The following MAP4K5 variants were observed in gnomAD, a reference collection of about 807,000 sequenced individuals.
The protein encoded by MAP4K5 is MAPK/ERK kinase kinase kinase 5.
Under a neutral mutation model 135.6 loss-of-function variants are expected in MAP4K5, and 82 were observed. The observed-to-expected ratio is 0.60, with a 90% CI of 0.51 to 0.73. The LOEUF (loss-of-function observed/expected upper bound fraction) is 0.73, where lower values mean the gene tolerates loss of function less well. Ranked by LOEUF, MAP4K5 falls within the 30% of genes least tolerant of loss-of-function variation. The pLI is 0.00. For synonymous variants in MAP4K5, 347 were observed against 335.0 expected, an observed-to-expected ratio of 1.04 and a Z score of -0.39; for missense variants, 907 against 1,010.9, an observed-to-expected ratio of 0.90 and a Z score of 1.39.
At chr14:50,468,119 T>C (rs115484448) in intron 10 of MAP4K5, among the ~76,000 whole-genome samples, 176 of 152,256 alleles carry the variant, frequency 1.2e-3, no homozygotes, top group African/African-American at 4.1e-3. Context: ...TACCTCTTCA[T>C]TATTCCTGGA....
chr14:50,481,185 T>C (rs2139904377), intron 6 of MAP4K5, among the ~76,000 whole-genome samples: 1 of 151,812 alleles, frequency 6.6e-6, no homozygotes, highest in East Asian at 1.9e-4. Context: ...TATGAGTGTA[T>C]AATTAAGTTT....
intron 3 of MAP4K5, among the ~76,000 whole-genome samples, chr14:50,497,795 A>T (rs1331037480): frequency 2.0e-5 from 3 of 152,208 alleles, no homozygotes; most frequent in Admixed American, 1.3e-4. Context: ...AAAAAATACT[A>T]AACTATTTTA....
intron 3 of MAP4K5, 40 bp from the exon 4 acceptor site, chr14:50,486,234 T>C (rs1424113556): frequency 8.6e-6 from 6 of 696,790 alleles, no homozygotes; most frequent in Non-Finnish European, 1.5e-5. Flanking sequence ...TTACTCAAAA[T>C]CTCTACATAT....
rs201683113 is a variant in MAP4K5 at position 50,430,133 on chromosome 14, CAT to C, written c.2165-875_2165-874del. On this transcript the variant is annotated intron_variant, in intron 28 of 32. Coordinates refer to ENST00000682126, the MANE Select transcript of MAP4K5 (RefSeq NM_006575.6). ...ACTTCTGAACATATTCACACACACA[CAT>C]ATATATATATGAACACATATATACT... Among the ~76,000 whole-genome samples, 413 of 151,538 alleles carry C rather than the reference CAT, an allele frequency of 2.7e-3. 2 individuals carry two copies. Among genetic ancestry groups the C allele is most frequent in the African/African-American group, 9.2e-3 (382 of 41,332 alleles).
intron 2 of MAP4K5, among the ~76,000 whole-genome samples, chr14:50,539,758 T>G (rs901816183): frequency 6.6e-6 from 1 of 152,244 alleles, no homozygotes; most frequent in African/African-American, 2.4e-5. Flanking sequence ...AATACTTACC[T>G]GGGATTCAGA....
At chr14:50,519,213 C>T (rs1324552243) in intron 2 of MAP4K5, among the ~76,000 whole-genome samples, 1 of 151,812 alleles carries the variant, frequency 6.6e-6, no homozygotes, top group Non-Finnish European at 1.5e-5. Flanking sequence ...ATCAAATATA[C>T]ATCTATATAA....
In MAP4K5 at chr14:50,442,768, T is replaced by C. The variant is rs1474111042; in HGVS notation, c.1528A>G (p.Asn510Asp). The stretch of plus-strand genomic sequence containing the variant: ...GGATGTATCCAGGATGTTGCACAAT[T>C]AATTTTCAAAGGACAGCCATCAAAA... ...KVFDGCPLKINCATSWIHPDT... is the reference protein window; with the variant it reads ...KVFDGCPLKIDCATSWIHPDT... The change falls in exon 21 of 33, where the codon AAT (asparagine) becomes GAT (aspartate). Residue 510 changes from asparagine to aspartate, a missense_variant. Transcript: ENST00000682126. The C allele has an allele frequency of 6.3e-7, 1 of 1,598,672 alleles. No homozygotes were observed. The highest frequency in any genetic ancestry group is 8.5e-7 in the Non-Finnish European group (1 of 1,173,318).
chr14:50,445,265 A>G (rs1263972503), intron 17 of MAP4K5, 71 bp from the exon 18 acceptor site: 3 of 1,435,406 alleles, frequency 2.1e-6, no homozygotes, highest in African/African-American at 2.8e-5. Context: ...GGAAAGGGAA[A>G]TGCACCTTTT....
chr14:50,515,220 A>T (rs911851897), intron 2 of MAP4K5, among the ~76,000 whole-genome samples: 1 of 152,060 alleles, frequency 6.6e-6, no homozygotes, highest in African/African-American at 2.4e-5. Context: ...TTATTCTTTT[A>T]AGATTTTATG....
In MAP4K5 at chr14:50,428,693, C is replaced by CTCAGA; in HGVS notation, c.2290_2294dup (p.Glu765AspfsTer4). ...ATTCAATGCGAAAATCAAAACTTAA[C>CTCAGA]TCAGAGGCCAGTTTCTTACTTGATT... On this transcript the variant is annotated frameshift_variant, in exon 30 of 33. Transcript: ENST00000682126. LOFTEE classifies it high-confidence loss of function. 6.6e-7 allele frequency: 1 copy of CTCAGA among 1,521,928 alleles called. No homozygotes were observed. The highest frequency in any genetic ancestry group is 8.8e-7 in the Non-Finnish European group (1 of 1,138,676). 94.3% of individuals were successfully genotyped at this position (1,521,928 alleles called of 1,614,324 possible).
At position 50,549,101 on chromosome 14, in the gene MAP4K5, C is replaced by T. The variant is rs2038670264; in HGVS notation, c.-179-6517G>A. The stretch of plus-strand genomic sequence containing the variant: ...TACAGGAGGTGCTTGGACCCATTCA[C>T]TTTGAACAAGTGGAGGGAGCCAAGA... On this transcript the variant is annotated intron_variant, in intron 1 of 8. Transcript: ENST00000555216. Among the ~76,000 whole-genome samples, 4 of 152,116 alleles carry T rather than the reference C, an allele frequency of 2.6e-5. No individual in the cohort carries two copies. The South Asian group carries it at 8.3e-4, about 32-fold the overall frequency.
Position 50,425,958 on chromosome 14 carries a change from C to A in MAP4K5, c.2346G>T (p.Val782=). Residue 782 remains valine, a synonymous_variant, in exon 31 of 33, where the codon GTG becomes GTT. Coordinates refer to ENST00000682126, the MANE Select transcript of MAP4K5 (RefSeq NM_006575.6). ...IESVVCLQDS[V]LAFWKHGMQG... Reference sequence around the variant, plus strand: ...GCATCCCATGTTTCCAGAAAGCCAACACACTGTCTTGAAGGCATACTAAAA... The same window carrying A: ...GCATCCCATGTTTCCAGAAAGCCAAAACACTGTCTTGAAGGCATACTAAAA... The A allele has an allele frequency of 6.2e-7, 1 of 1,612,070 alleles. No homozygotes were observed. Among genetic ancestry groups the A allele is most frequent in the Non-Finnish European group, 8.5e-7 (1 of 1,178,564 alleles).
Position 50,486,182 on chromosome 14 carries a change from GA to G in MAP4K5, c.178del (p.Ser60LeufsTer2). On this transcript the variant is annotated frameshift_variant, in exon 4 of 33. Coordinates refer to ENST00000682126, the MANE Select transcript of MAP4K5 (RefSeq NM_006575.6). LOFTEE classifies it high-confidence loss of function. ...IIKLEPGDDF[S>X]LIQQEIFMVK... is the part of the protein sequence containing the mutation. ...CATAAATATTTCTTGTTGAATCAAAGAAAAATCATCTCCTGGAAAACAAAAT... is the reference window on the plus strand; with the variant it reads ...CATAAATATTTCTTGTTGAATCAAAGAAAATCATCTCCTGGAAAACAAAAT... 2.4e-6 allele frequency: 3 copies of G among 1,238,634 alleles called. No homozygotes were observed. The highest frequency in any genetic ancestry group is 3.4e-6 in the Non-Finnish European group (3 of 883,720). 76.7% of individuals were successfully genotyped at this position (1,238,634 alleles called of 1,614,324 possible).
intron 1 of MAP4K5, among the ~76,000 whole-genome samples, chr14:50,557,948 A>AATGTTAAAAGGACAC (rs2038784080): frequency 6.6e-6 from 1 of 152,234 alleles, no homozygotes; most frequent in Non-Finnish European, 1.5e-5. Flanking sequence ...AAAAAGGGAC[A>AATGTTAAAAGGACAC]ATGTTAAAAG....
intron 9 of MAP4K5, among the ~76,000 whole-genome samples, chr14:50,473,089 T>C (rs1457894851): frequency 6.6e-6 from 1 of 152,296 alleles, no homozygotes; most frequent in South Asian, 2.1e-4. Context: ...TGTCAGTTAA[T>C]AATTTTTCTT....
At chr14:50,504,707 T>C (rs1040328383) in intron 3 of MAP4K5, 93 bp downstream of exon 3, 6 of 888,366 alleles carry the variant, frequency 6.8e-6, no homozygotes, top group Middle Eastern at 2.1e-4. Context: ...ACTGACCTGA[T>C]AGAACATATA....
rs192834238 is a variant in MAP4K5, at chr14:50,425,265, C to G, written c.2397+642G>C. Among the ~76,000 whole-genome samples the G allele has an allele frequency of 3.5e-4, 53 of 152,296 alleles. 1 individual carries two copies. In the Middle Eastern group the frequency reaches 0.041, roughly 117 times the overall value. On this transcript the variant is annotated intron_variant, in intron 31 of 32. Coordinates refer to ENST00000682126, the MANE Select transcript of MAP4K5 (RefSeq NM_006575.6). The stretch of plus-strand genomic sequence containing the variant: ...CTCAGCTAGAAGTGATTTAAAGAGA[C>G]CCTTCAAATCCAGACTCTTCCACTT...
At chr14:50,426,912 T>C (rs112173059) in intron 30 of MAP4K5, among the ~76,000 whole-genome samples, 5 of 152,294 alleles carry the variant, frequency 3.3e-5, no homozygotes, top group Non-Finnish European at 7.4e-5. Flanking sequence ...AACTGAAAAT[T>C]AACTGTTTTA....
chr14:50,468,640 A>G lies in MAP4K5; in HGVS notation c.674+11T>C. ...GATCAATAACTGGATAATTATAAAT[A>G]ATGAGAACACCTCATTGGGTGGAGA... On this transcript the variant is annotated intron_variant, in intron 10 of 32. Transcript: ENST00000682126. The G allele has an allele frequency of 6.2e-7, 1 of 1,612,604 alleles. No homozygotes were observed. Among genetic ancestry groups the G allele is most frequent in the Non-Finnish European group, 8.5e-7 (1 of 1,179,044 alleles).
Sources: allele counts gnomAD v4.1 joint callset (sites outside exome capture counted in the v4.1 genomes callset), GRCh38; gene constraint gnomAD v4.1.1; transcripts MANE v1.5; gene names NCBI Gene and HGNC (gene_info 2026-07-23, HGNC 2026-07-21).